Variants in AKR1C2 observed in about 807,000 individuals in gnomAD.
The protein encoded by AKR1C2 is 3-alpha-HSD3.
In AKR1C2, 27 loss-of-function variants were observed where a neutral mutation model predicts 39.8. That is an observed-to-expected ratio of 0.68 (90% CI 0.50 to 0.93). AKR1C2 has a LOEUF of 0.93. AKR1C2 is among the 40% of genes least tolerant of loss of function. The pLI, the probability that AKR1C2 is intolerant of heterozygous loss-of-function variation, is 0.00. For synonymous variants in AKR1C2, 114 were observed against 137.9 expected, an observed-to-expected ratio of 0.83 and a Z score of 1.22; for missense variants, 263 against 365.1, an observed-to-expected ratio of 0.72 and a Z score of 2.28.
rs111567573 is a variant in AKR1C2 at position 5,000,577 on chromosome 10, A to G, written c.342T>C (p.Tyr114=). 505 of 1,613,454 alleles carry G rather than the reference A, an allele frequency of 3.1e-4. No homozygotes were observed. The African/African-American group carries it at 4.9e-3, about 16-fold the overall frequency. The part of the protein sequence containing the change: ...KNLQLDYVDL[Y]LIHFPVSVKP... ...TTACAGACACTGGAAAATGAATAAG[A>G]TAGAGGTCAACATAGTCCAATTGAA... The change falls in exon 3 of 9, where the codon TAT becomes TAC. Residue 114 remains tyrosine (Y), a synonymous_variant. Coordinates refer to ENST00000380753, the MANE Select transcript of AKR1C2 (RefSeq NM_001393392.1).
chr10:5,001,803 A>C (rs1369069208), intron 1 of AKR1C2, 122 bp from the exon 2 acceptor site: 4 of 1,311,056 alleles, frequency 3.1e-6, no homozygotes, highest in South Asian at 1.3e-5. Flanking sequence ...CTGTATGTAG[A>C]ATCATAAGCC....
chr10:4,990,988 AT>A (rs1554772167), intron 8 of AKR1C2, among the ~76,000 whole-genome samples: 1 of 150,970 alleles, frequency 6.6e-6, no homozygotes, highest in African/African-American at 2.5e-5. Flanking sequence ...ACATTATCTC[AT>A]CATCTCTATT....
At chr10:4,991,014 C>T (rs1836822389) in intron 8 of AKR1C2, among the ~76,000 whole-genome samples, 1 of 151,168 alleles carries the variant, frequency 6.6e-6, no homozygotes, top group African/African-American at 2.5e-5. Context: ...GTTAAAATCT[C>T]CACTGCCATC....
At chr10:4,993,743 T>C (rs1359099998) in intron 7 of AKR1C2, among the ~76,000 whole-genome samples, 1 of 151,652 alleles carries the variant, frequency 6.6e-6, no homozygotes, top group African/African-American at 2.4e-5. Flanking sequence ...AGAATTCATA[T>C]CCAGAATAAA....
chr10:4,997,926 T>A (rs558736915), intron 5 of AKR1C2, among the ~76,000 whole-genome samples: 15 of 152,270 alleles, frequency 9.9e-5, no homozygotes, highest in African/African-American at 3.4e-4. Context: ...ATAGAATAGA[T>A]GTGTTTAAGC....
At chr10:4,991,595 A>C (rs1554772258) in intron 8 of AKR1C2, among the ~76,000 whole-genome samples, 1 of 151,736 alleles carries the variant, frequency 6.6e-6, no homozygotes, top group East Asian at 1.9e-4. Flanking sequence ...TGCTCTGGAA[A>C]GTTCCTTGGA....
chr10:4,999,089 T>G, intron 4 of AKR1C2, 111 bp downstream of exon 4: 2 of 1,557,234 alleles, frequency 1.3e-6, no homozygotes, highest in Admixed American at 3.8e-5. Context: ...TTTGTAAAGT[T>G]CCTAAGTTTT....
chr10:5,013,951 T>A (rs1233538973), intron 1 of AKR1C2, among the ~76,000 whole-genome samples: 1 of 152,220 alleles, frequency 6.6e-6, no homozygotes, highest in East Asian at 1.9e-4. Context: ...GTTGGACTTA[T>A]ACAGTATTTG....
At chr10:5,002,238 C>A (rs1377423305) in intron 1 of AKR1C2, among the ~76,000 whole-genome samples, 1 of 152,162 alleles carries the variant, frequency 6.6e-6, no homozygotes, top group Admixed American at 6.5e-5. Context: ...CTAGCAGACA[C>A]AAATCTTCCA....
chr10:5,015,729 G>T (rs1554775312), intron 1 of AKR1C2: 1 of 152,176 alleles, frequency 6.6e-6, no homozygotes, highest in African/African-American at 2.4e-5. Flanking sequence ...GTGAAACTTT[G>T]CTCTGACTGT....
chr10:4,999,832 A>G (rs1837196633), intron 3 of AKR1C2: 4 of 784,136 alleles, frequency 5.1e-6, no homozygotes, highest in Non-Finnish European at 4.7e-6. Flanking sequence ...AAAAGGTTGG[A>G]ACAAATATTT....
chr10:4,989,405 T>G lies in AKR1C2; in HGVS notation c.*591A>C, dbSNP rs1474354643. 1 of 151,548 alleles carries G rather than the reference T, an allele frequency of 6.6e-6. No individual in the cohort carries two copies. The highest frequency in any genetic ancestry group is 2.4e-5 in the African/African-American group (1 of 41,192). 9.4% of individuals were successfully genotyped at this position (151,548 alleles called of 1,614,324 possible). A position where few individuals can be genotyped will look rare whatever the true frequency, so the allele number is the denominator to read the frequency against. The stretch of plus-strand genomic sequence containing the variant: ...TAGCCTTCCCATACCTGACTTCTAA[T>G]CACTTTTCCTGGTGCCCTCCCATCT... On this transcript the variant is annotated 3_prime_UTR_variant, in exon 9 of 9. Transcript: ENST00000380753.
intron 1 of AKR1C2, among the ~76,000 whole-genome samples, chr10:5,014,230 G>A (rs1334236472): frequency 1.3e-5 from 2 of 151,574 alleles, no homozygotes; most frequent in African/African-American, 4.9e-5. Flanking sequence ...TTTAGGTATT[G>A]TGAGCCCCAA....
intron 8 of AKR1C2, among the ~76,000 whole-genome samples, chr10:4,991,275 A>G (rs1836832880): frequency 6.6e-6 from 1 of 151,630 alleles, no homozygotes; most frequent in Non-Finnish European, 1.5e-5. Context: ...AGGCAAATGC[A>G]GTATTTGGCT....
chr10:4,995,769 G>C lies in AKR1C2; in HGVS notation c.667C>G (p.Arg223Gly). The change falls in exon 6 of 9, where the codon CGA becomes GGA. Residue 223 changes from arginine (R) to glycine (G), a missense_variant. By Grantham distance (125) the Arg-to-Gly change is moderately radical (BLOSUM62 -2). This residue lies in a region of AKR1C2 where 247 missense variants were observed against 267.9 expected (regional missense o/e 0.92). Transcript: ENST00000380753. Reference protein sequence around the residue: ...LVAYSALGSHREEPWVDPNSP... With the variant: ...LVAYSALGSHGEEPWVDPNSP... ...ATCTCTTATTACCATGGTTCTTCTC[G>C]ATGGGATCCCAGAGCACTATAGGCA... 1.9e-6 allele frequency: 3 copies of C among 1,611,392 alleles called. No homozygotes were observed. Among genetic ancestry groups the C allele is most frequent in the Non-Finnish European group, 2.5e-6 (3 of 1,179,302 alleles).
intron 7 of AKR1C2, among the ~76,000 whole-genome samples, chr10:4,992,836 G>T (rs1392340770): frequency 3.3e-4 from 50 of 152,222 alleles, no homozygotes; most frequent in Non-Finnish European, 1.3e-4. Context: ...AGCAGTCCCA[G>T]CTACTCTGGA....
chr10:5,006,731 C>T (rs1837413614), upstream of AKR1C2: 1 of 139,620 alleles, frequency 7.2e-6, no homozygotes, highest in African/African-American at 2.6e-5. Context: ...TTAATGTGAT[C>T]AATAAAAAAA....
intron 5 of AKR1C2, among the ~76,000 whole-genome samples, chr10:4,996,523 C>T (rs1374167497): frequency 6.3e-5 from 9 of 142,768 alleles, no homozygotes; most frequent in Admixed American, 1.5e-4. Flanking sequence ...TCACATTCTT[C>T]TTTCATATAT....
chr10:4,994,114 T>G (rs1431636857), intron 7 of AKR1C2, among the ~76,000 whole-genome samples: 2 of 151,706 alleles, frequency 1.3e-5, no homozygotes, highest in Admixed American at 1.3e-4. Flanking sequence ...ACATGATATA[T>G]GTCATATATA....
Sources: gnomAD v4.1 joint callset for allele counts (sites outside exome capture counted in the v4.1 genomes callset) on GRCh38, gnomAD v4.1.1 for gene constraint, gnomAD v4.1.1 regional missense constraint, MANE v1.5 for transcripts, NCBI Gene and HGNC (gene_info 2026-07-23, HGNC 2026-07-21) for gene names.